NEK10: variants seen among roughly 807,000 people sequenced by gnomAD.
NEK10 encodes the protein NIMA related kinase 10.
NEK10 carries 122 observed loss-of-function variants against 159.8 expected under a neutral mutation model. That is an observed-to-expected ratio of 0.76 (90% confidence interval 0.66 to 0.89). The LOEUF is 0.89. NEK10 is among the 40% of genes least tolerant of loss of function. NEK10 has a pLI of 0.00. For missense variants in NEK10, 1,342 were observed against 1,323.1 expected, an observed-to-expected ratio of 1.01 and a Z score of -0.22; for synonymous variants, 466 against 457.1, an observed-to-expected ratio of 1.02 and a Z score of -0.25.
At chr3:27,166,853 G>C (rs141631495) in intron 29 of NEK10, among the ~76,000 whole-genome samples, 3,268 of 152,206 alleles carry the variant, frequency 0.021, 156 homozygotes, top group Admixed American at 0.13. Flanking sequence ...CCAGCTACTA[G>C]GGAGGCTGGG....
chr3:27,257,198 G>A (rs1462332164), intron 22 of NEK10, among the ~76,000 whole-genome samples: 2 of 152,176 alleles, frequency 1.3e-5, no homozygotes, highest in Non-Finnish European at 2.9e-5. Flanking sequence ...ACAGGCGTGA[G>A]CCACCAGGCC....
At chr3:27,126,769 A>C (rs571327305) in intron 32 of NEK10, among the ~76,000 whole-genome samples, 93 of 151,650 alleles carry the variant, frequency 6.1e-4, no homozygotes, top group African/African-American at 1.9e-3. Context: ...CAAAAAAAAA[A>C]CAACAACAAA....
intron 23 of NEK10, among the ~76,000 whole-genome samples, chr3:27,238,997 C>T (rs771657255): frequency 6.6e-6 from 1 of 151,976 alleles, no homozygotes; most frequent in South Asian, 2.1e-4. Flanking sequence ...CAAGAGTCAA[C>T]CAATCAGAGG....
chr3:27,138,076 G>T lies in NEK10; in HGVS notation c.2970+3406C>A, dbSNP rs773769887. On this transcript the variant is annotated intron_variant, in intron 31 of 35. Transcript: ENST00000691995. Reference sequence around the variant, plus strand: ...GAAGGAGGATGGATCTTGTTTCCTGGCTCCAGTGATGCTCCTGCGTTGCCT... The same window carrying T: ...GAAGGAGGATGGATCTTGTTTCCTGTCTCCAGTGATGCTCCTGCGTTGCCT... Among the ~76,000 whole-genome samples, 16 of 152,158 alleles carry T rather than the reference G, an allele frequency of 1.1e-4. No individual in the cohort carries two copies. In the South Asian group the frequency reaches 1.9e-3, roughly 18 times the overall value.
chr3:27,304,760 G>T lies in NEK10; in HGVS notation c.1015C>A (p.His339Asn). The T allele has an allele frequency of 6.2e-7, 1 of 1,611,830 alleles. No homozygotes were observed. Among genetic ancestry groups the T allele is most frequent in the South Asian group, 1.1e-5 (1 of 91,030 alleles). Residue 339 changes from histidine to asparagine, a missense_variant, in exon 12 of 36, where the codon CAT (histidine) becomes AAT (asparagine). By Grantham distance (68) the His-to-Asn change is moderately conservative. Coordinates refer to ENST00000691995, the MANE Select transcript of NEK10 (RefSeq NM_001394966.1). ...RIWGGIKQLLHILQGDRNFVS... is the reference protein window; with the variant it reads ...RIWGGIKQLLNILQGDRNFVS... ...ACTTTTACTCACCCTTGTAAAATAT[G>T]AAGAAGCTGTTTGATGCCTCCCCAA...
At chr3:27,272,657 T>C (rs1340158700) in intron 22 of NEK10, among the ~76,000 whole-genome samples, 1 of 152,144 alleles carries the variant, frequency 6.6e-6, no homozygotes, top group Non-Finnish European at 1.5e-5. Context: ...CTGGACTTCA[T>C]GATTGTCCAT....
At chr3:27,232,605 A>C (rs1456163671) in intron 23 of NEK10, among the ~76,000 whole-genome samples, 2 of 152,036 alleles carry the variant, frequency 1.3e-5, no homozygotes, top group African/African-American at 2.4e-5. Flanking sequence ...ACATAGCCAA[A>C]GCAAGGCTAA....
chr3:27,297,174 C>T lies in NEK10; in HGVS notation c.1230+5G>A. On this transcript the variant is annotated splice_donor_5th_base_variant and intron_variant, in intron 14 of 35. Transcript: ENST00000691995. ...AGACCTGACCTTGAGAAGGAGTGCTCTCACCTGAACCACCTGGTGGGCATT... is the reference window on the plus strand; with the variant it reads ...AGACCTGACCTTGAGAAGGAGTGCTTTCACCTGAACCACCTGGTGGGCATT... 1 of 1,606,764 alleles carries T rather than the reference C, an allele frequency of 6.2e-7. No individual in the cohort carries two copies. The highest frequency in any genetic ancestry group is 8.5e-7 in the Non-Finnish European group (1 of 1,173,358).
chr3:27,234,712 C>T (rs1480029348), intron 23 of NEK10, among the ~76,000 whole-genome samples: 1 of 152,042 alleles, frequency 6.6e-6, no homozygotes, highest in Admixed American at 6.6e-5. Context: ...ACATTCAATG[C>T]TATTCCCATG....
chr3:27,239,377 C>G (rs1954301137), intron 23 of NEK10, among the ~76,000 whole-genome samples: 1 of 151,944 alleles, frequency 6.6e-6, no homozygotes, highest in South Asian at 2.1e-4. Flanking sequence ...TTGGCTGGAG[C>G]CCAATGGAAG....
intron 29 of NEK10, among the ~76,000 whole-genome samples, chr3:27,169,962 T>A (rs1034803188): frequency 6.6e-6 from 1 of 152,180 alleles, no homozygotes; most frequent in Non-Finnish European, 1.5e-5. Context: ...AGTTCATTTA[T>A]CCCAGAGTTC....
chr3:27,221,583 G>C (rs1309821759), intron 23 of NEK10, among the ~76,000 whole-genome samples: 1 of 152,220 alleles, frequency 6.6e-6, no homozygotes, highest in Non-Finnish European at 1.5e-5. Context: ...TTACCATATT[G>C]AGGAGTATGG....
At chr3:27,225,592 G>A (rs575896550) in intron 23 of NEK10, among the ~76,000 whole-genome samples, 25 of 152,250 alleles carry the variant, frequency 1.6e-4, no homozygotes, top group African/African-American at 5.5e-4. Flanking sequence ...AAAGTCCCTG[G>A]AGTACCCAGC....
intron 35 of NEK10, 26 bp downstream of exon 35, chr3:27,115,914 A>AGGG: frequency 6.4e-7 from 1 of 1,566,478 alleles, no homozygotes; most frequent in Non-Finnish European, 8.8e-7. Context: ...CATCTTTCAC[A>AGGG]ATTGAAGGCA....
intron 6 of NEK10, among the ~76,000 whole-genome samples, chr3:27,319,434 A>G (rs2045458764): frequency 6.6e-6 from 1 of 152,180 alleles, no homozygotes; most frequent in Non-Finnish European, 1.5e-5. Flanking sequence ...CCAGTTTGCA[A>G]CCTCTGAGTC....
chr3:27,248,452 T>C (rs1955317715), intron 23 of NEK10, among the ~76,000 whole-genome samples: 1 of 152,126 alleles, frequency 6.6e-6, no homozygotes, highest in Admixed American at 6.5e-5. Context: ...CATCATTAGG[T>C]TATTTATTTG....
intron 25 of NEK10, among the ~76,000 whole-genome samples, chr3:27,199,144 G>A (rs1949821151): frequency 6.6e-6 from 1 of 151,054 alleles, no homozygotes; most frequent in South Asian, 2.1e-4. Context: ...CTTCTGCACA[G>A]CAAAGGATAC....
intron 30 of NEK10, among the ~76,000 whole-genome samples, chr3:27,154,378 A>C (rs984002821): frequency 6.6e-6 from 1 of 152,164 alleles, no homozygotes; most frequent in African/African-American, 2.4e-5. Context: ...CATTCAAAGA[A>C]TTGGTACCAA....
chr3:27,141,691 T>C, intron 30 of NEK10, 109 bp from the exon 31 acceptor site: 1 of 727,720 alleles, frequency 1.4e-6, no homozygotes, highest in Non-Finnish European at 2.4e-6. Context: ...CTTCACCTTA[T>C]CAATGAGACA....
Sources: gnomAD v4.1 joint callset for allele counts (sites outside exome capture counted in the v4.1 genomes callset) on GRCh38, gnomAD v4.1.1 for gene constraint, MANE v1.5 for transcripts, NCBI Gene and HGNC (gene_info 2026-07-23, HGNC 2026-07-21) for gene names.